The following TNKS2 variants were observed in gnomAD, a reference collection of about 807,000 sequenced individuals.
The protein encoded by TNKS2 is tankyrase 2.
A neutral mutation model predicts 137.6 loss-of-function variants in TNKS2; 72 were observed. That is an observed-to-expected ratio of 0.52 (90% CI 0.43 to 0.64). TNKS2 has a LOEUF of 0.64. TNKS2 is among the 30% of genes least tolerant of loss of function. TNKS2 has a pLI of 0.00. For missense variants in TNKS2, 1,049 were observed against 1,410.2 expected, an observed-to-expected ratio of 0.74 and a Z score of 4.10; for synonymous variants, 516 against 512.1, an observed-to-expected ratio of 1.01 and a Z score of -0.10.
chr10:91,858,295 C>T (rs1269488723), intron 24 of TNKS2, among the ~76,000 whole-genome samples: 1 of 152,154 alleles, frequency 6.6e-6, no homozygotes, highest in African/African-American at 2.4e-5. Flanking sequence ...AAACATGTTG[C>T]ACTCCTTATT....
chr10:91,837,674 A>G (rs1230368550), intron 13 of TNKS2, among the ~76,000 whole-genome samples: 1 of 152,222 alleles, frequency 6.6e-6, no homozygotes, highest in Non-Finnish European at 1.5e-5. Context: ...AGCCTGGCCA[A>G]CATGGCGAAA....
At chr10:91,841,639 A>G (rs1208689762) in intron 15 of TNKS2, among the ~76,000 whole-genome samples, 191 bp downstream of exon 15, 1 of 152,132 alleles carries the variant, frequency 6.6e-6, no homozygotes, top group East Asian at 1.9e-4. Context: ...ACTAGCACCT[A>G]GAGTTATTTT....
chr10:91,848,422 C>G lies in TNKS2; in HGVS notation c.2398C>G (p.Pro800Ala). 1 of 1,614,174 alleles carries G rather than the reference C, an allele frequency of 6.2e-7. No homozygotes were observed. Among genetic ancestry groups the G allele is most frequent in the Non-Finnish European group, 8.5e-7 (1 of 1,180,030 alleles). Residue 800 changes from proline to alanine, a missense_variant, in exon 19 of 27, where the codon CCA becomes GCA. Physicochemically the swap from Pro to Ala is conservative, Grantham distance 27. Coordinates refer to ENST00000371627, the MANE Select transcript of TNKS2 (RefSeq NM_025235.4). ...VSALLTAAMP[P>A]SALPSCYKPQ... is the part of the protein sequence containing the mutation. The stretch of plus-strand genomic sequence containing the variant: ...CGCTCTTCTGACAGCAGCCATGCCC[C>G]CATCTGCTCTGCCCTCTTGTTACAA...
intron 1 of TNKS2, among the ~76,000 whole-genome samples, chr10:91,808,430 A>C (rs992161762): frequency 1.3e-5 from 2 of 152,178 alleles, no homozygotes; most frequent in East Asian, 3.9e-4. Context: ...TTTTAAGGCC[A>C]TAGTAGAGTG....
In TNKS2 at chr10:91,817,474, A is replaced by C. The variant is rs867264539; in HGVS notation, c.520+245A>C. Among the ~76,000 whole-genome samples, 4 of 152,168 alleles carry C rather than the reference A, an allele frequency of 2.6e-5. No homozygotes were observed. In the South Asian group the frequency reaches 6.2e-4, roughly 24 times the overall value. ...TTGCCTTATTGGGGGTGAGGGTGAT[A>C]GATAATTGTATGTTGCTTTAGTATA... On this transcript the variant is annotated intron_variant, in intron 3 of 26. Transcript: ENST00000371627.
intron 22 of TNKS2, 36 bp from the exon 23 acceptor site, chr10:91,855,578 C>CTAATACACATA: frequency 6.7e-7 from 1 of 1,497,660 alleles, no homozygotes; most frequent in Non-Finnish European, 9.2e-7. Flanking sequence ...AACACAAATG[C>CTAATACACATA]TAATGCACAT....
chr10:91,851,480 G>C, intron 21 of TNKS2, 144 bp downstream of exon 21: 1 of 990,412 alleles, frequency 1.0e-6, no homozygotes. Context: ...CTGGGATTAA[G>C]TCTTAGCTGT....
intron 19 of TNKS2, among the ~76,000 whole-genome samples, chr10:91,848,876 G>A (rs539808812): frequency 5.9e-5 from 9 of 152,034 alleles, no homozygotes; most frequent in African/African-American, 1.7e-4. Flanking sequence ...TGCTTTTGTC[G>A]CCCAGACTGG....
chr10:91,843,365 C>T (rs1243322663), intron 16 of TNKS2, among the ~76,000 whole-genome samples: 2 of 152,148 alleles, frequency 1.3e-5, no homozygotes, highest in Non-Finnish European at 2.9e-5. Context: ...TCTATATGTC[C>T]TAGTCTCTAC....
rs1362758115 is a variant in TNKS2 at position 91,819,998 on chromosome 10, G to A, written c.693G>A (p.Leu231=). Residue 231 remains leucine (L), a synonymous_variant, in exon 6 of 27, where the codon CTG becomes CTA. Transcript: ENST00000371627. The part of the protein sequence containing the change: ...YNRVKIVQLL[L]QHGADVHAKD... ...GAGTAAAGATTGTACAGCTGTTACT[G>A]CAACATGGAGCTGATGTCCATGCTA... is the stretch of plus-strand genomic sequence containing the variant. 4 of 1,593,752 alleles carry A rather than the reference G, an allele frequency of 2.5e-6. No homozygotes were observed. Among genetic ancestry groups the A allele is most frequent in the African/African-American group, 1.3e-5 (1 of 74,198 alleles).
At chr10:91,861,865 A>G (rs1842861329) in intron 25 of TNKS2, 134 bp from the exon 26 acceptor site, 1 of 721,272 alleles carries the variant, frequency 1.4e-6, no homozygotes, top group Admixed American at 3.3e-5. Context: ...AAGTTCTTTT[A>G]GGGGTGAAAT....
At chr10:91,829,599 T>C (rs1695876619) in intron 9 of TNKS2, among the ~76,000 whole-genome samples, 1 of 152,154 alleles carries the variant, frequency 6.6e-6, no homozygotes, top group Admixed American at 6.5e-5. Flanking sequence ...AAAAACCATG[T>C]CTGGTCTCTG....
rs757458700 is a variant in TNKS2 at position 91,819,357 on chromosome 10, T to C, written c.557+51T>C. 3.4e-5 allele frequency: 48 copies of C among 1,418,740 alleles called. No individual in the cohort carries two copies. The East Asian group carries it at 9.2e-4, about 27-fold the overall frequency. The allele number at this position is 1,418,740 out of a possible 1,614,324, so 87.9% of individuals were successfully genotyped here. ...GACAGGAATACTTCACCATTAACTT[T>C]TTCTTTTTTTTTTTTTTTACAGTAA... On this transcript the variant is annotated intron_variant, in intron 4 of 26. Transcript: ENST00000371627.
intron 4 of TNKS2, 54 bp downstream of exon 4, chr10:91,819,360 C>CT (rs74263177): frequency 0.054 from 62,670 of 1,152,792 alleles, 1,428 homozygotes; most frequent in African/African-American, 0.27. Flanking sequence ...TTAACTTTTT[C>CT]TTTTTTTTTT....
Position 91,859,481 on chromosome 10 carries a change from A to T in TNKS2, c.3114A>T (p.Ala1038=). The T allele has an allele frequency of 6.2e-7, 1 of 1,606,956 alleles. No homozygotes were observed. Among genetic ancestry groups the T allele is most frequent in the Non-Finnish European group, 8.5e-7 (1 of 1,177,266 alleles). The change falls in exon 25 of 27, where the codon GCA becomes GCT. Residue 1038 remains alanine, a synonymous_variant. Coordinates refer to ENST00000371627, the MANE Select transcript of TNKS2 (RefSeq NM_025235.4). ...MLFHGSPFVN[A]IIHKGFDERH... ...TTTCAGGGTCTCCTTTTGTGAATGCAATTATCCACAAAGGCTTTGATGAAA... is the reference window on the plus strand; with the variant it reads ...TTTCAGGGTCTCCTTTTGTGAATGCTATTATCCACAAAGGCTTTGATGAAA...
chr10:91,819,842 A>G (rs1844826910), intron 5 of TNKS2, 97 bp from the exon 6 acceptor site: 2 of 1,008,680 alleles, frequency 2.0e-6, no homozygotes, highest in Non-Finnish European at 2.9e-6. Flanking sequence ...CGAAGTTATA[A>G]TTGGATTTTC....
intron 18 of TNKS2, among the ~76,000 whole-genome samples, chr10:91,846,850 T>C (rs1269712115): frequency 6.6e-6 from 1 of 152,170 alleles, no homozygotes; most frequent in East Asian, 1.9e-4. Context: ...ATTCCACCCA[T>C]ATGTTAGTTG....
intron 19 of TNKS2, among the ~76,000 whole-genome samples, chr10:91,848,946 C>T (rs2259659): frequency 0.18 from 27,670 of 152,098 alleles, 2,617 homozygotes; most frequent in Middle Eastern, 0.28. Flanking sequence ...AAGCAATGCT[C>T]CTGCCTCAGC....
chr10:91,809,433 G>A (rs1413160144), intron 1 of TNKS2, among the ~76,000 whole-genome samples: 3 of 152,036 alleles, frequency 2.0e-5, no homozygotes, highest in Admixed American at 6.5e-5. Context: ...TTGGGAGGCC[G>A]AGGCGGGCGG....
Sources: allele counts gnomAD v4.1 joint callset (sites outside exome capture counted in the v4.1 genomes callset), GRCh38; gene constraint gnomAD v4.1.1; transcripts MANE v1.5; gene names NCBI Gene and HGNC (gene_info 2026-07-23, HGNC 2026-07-21).